SOX6: variants seen among roughly 807,000 people sequenced by gnomAD.
The protein encoded by SOX6 is SRY-box transcription factor 6, also known as transcription factor SOX-6.
Under a neutral mutation model 97.8 loss-of-function variants are expected in SOX6, and 11 were observed. The ratio of observed to expected loss-of-function variants is 0.11; its 90% CI spans 0.07 to 0.19. The LOEUF (loss-of-function observed/expected upper bound fraction) is 0.19, where lower values mean the gene tolerates loss of function less well. SOX6 is among the 10% of genes least tolerant of loss of function. The probability of loss-of-function intolerance (pLI) is 1.00; values close to 1 mark genes in which losing one functional copy is unlikely to be tolerated. For synonymous variants in SOX6, 360 were observed against 371.4 expected (o/e 0.97, Z 0.35); for missense variants, 810 against 1,039.5 (o/e 0.78, Z 3.04).
chr11:16,613,055 A>C lies in SOX6; in HGVS notation n.430-795T>G, dbSNP rs1252632620. On this transcript the variant is annotated intron_variant and non_coding_transcript_variant, in intron 3 of 5. Coordinates refer to the SOX6 transcript ENST00000524520. The surrounding 1 kb of genome is among the most constrained non-coding windows in gnomAD (Gnocchi z 4.6). The stretch of plus-strand genomic sequence containing the variant: ...GGGTTGAGTTTAGGGAATGTCTGGA[A>C]AGAAAAAAAGGGAGGAAAAAAGGAG... 2 of 152,672 alleles carry C rather than the reference A, an allele frequency of 1.3e-5. No individual in the cohort carries two copies. 9.5% of individuals were successfully genotyped at this position (152,672 alleles called of 1,614,324 possible). A position where few individuals can be genotyped will look rare whatever the true frequency, so the allele number is the denominator to read the frequency against.
intron 4 of SOX6, among the ~76,000 whole-genome samples, chr11:16,509,144 GT>G (rs1860836937): frequency 6.6e-6 from 1 of 151,552 alleles, no homozygotes; most frequent in Non-Finnish European, 1.5e-5. Flanking sequence ...CTTTAGAAAT[GT>G]TTACCATATA....
chr11:15,972,717 G>A lies in SOX6; in HGVS notation c.*92C>T. On this transcript the variant is annotated 3_prime_UTR_variant, in exon 16 of 16. Transcript: ENST00000683767. ...AAGACCATTCTGCTGATGTAATTGTGGAGCCACAAATGCATGCGGGCTCTT... is the reference window on the plus strand; with the variant it reads ...AAGACCATTCTGCTGATGTAATTGTAGAGCCACAAATGCATGCGGGCTCTT... 7.5e-7 allele frequency: 1 copy of A among 1,332,390 alleles called. No homozygotes were observed. The highest frequency in any genetic ancestry group is 1.1e-6 in the Non-Finnish European group (1 of 929,010). 82.5% of individuals were successfully genotyped at this position (1,332,390 alleles called of 1,614,324 possible).
chr11:16,386,821 T>C (rs568691488), intron 1 of SOX6, among the ~76,000 whole-genome samples: 13 of 152,300 alleles, frequency 8.5e-5, no homozygotes, highest in Non-Finnish European at 1.2e-4. Context: ...ATTTATTTAA[T>C]GCCTTCCTCT....
intron 1 of SOX6, among the ~76,000 whole-genome samples, chr11:16,446,623 C>A (rs10766323): frequency 6.6e-6 from 1 of 151,678 alleles, no homozygotes; most frequent in Non-Finnish European, 1.5e-5. Flanking sequence ...CAAAACCAGG[C>A]GTGATGGTCA....
chr11:16,257,942 T>G (rs554565151), intron 3 of SOX6, among the ~76,000 whole-genome samples: 5 of 151,912 alleles, frequency 3.3e-5, no homozygotes, highest in African/African-American at 1.2e-4. Flanking sequence ...AGTAAACATA[T>G]GAAAAGATGT....
At chr11:16,072,710 A>G (rs1848254029) in intron 9 of SOX6, among the ~76,000 whole-genome samples, 1 of 152,226 alleles carries the variant, frequency 6.6e-6, no homozygotes, top group South Asian at 2.1e-4. Context: ...AGGAGCAGGT[A>G]ACCTCAAAGG....
intron 1 of SOX6, among the ~76,000 whole-genome samples, chr11:16,430,899 C>CT (rs1413149540): frequency 1.3e-5 from 2 of 152,134 alleles, no homozygotes; most frequent in Non-Finnish European, 2.9e-5. Flanking sequence ...AACCCATCTT[C>CT]TTCAGGTTTC....
chr11:16,426,079 A>G (rs1859122350), intron 1 of SOX6, among the ~76,000 whole-genome samples: 1 of 151,424 alleles, frequency 6.6e-6, no homozygotes, highest in Non-Finnish European at 1.5e-5. Context: ...ACATGGTGAA[A>G]CCCCGTCTCT....
rs532240014 is a variant in SOX6 at position 16,528,043 on chromosome 11, G to C, written n.610-51655C>G. On this transcript the variant is annotated intron_variant and non_coding_transcript_variant, in intron 4 of 5. Transcript: ENST00000524520. ...CTTCTGTGTCTCTGCTCAAGGCTGT[G>C]AGTCAGATTCAAGCCCGCTCCATTA... Among the ~76,000 whole-genome samples the C allele has an allele frequency of 3.9e-5, 6 of 152,224 alleles. No homozygotes were observed. The East Asian group carries it at 1.2e-3, about 29-fold the overall frequency.
intron 13 of SOX6, among the ~76,000 whole-genome samples, chr11:16,005,435 T>G (rs985265485): frequency 6.6e-6 from 1 of 151,966 alleles, no homozygotes; most frequent in Non-Finnish European, 1.5e-5. Flanking sequence ...AACCTACAGA[T>G]AGGCTTTTTT....
chr11:16,061,798 A>G (rs1047809235), intron 9 of SOX6, among the ~76,000 whole-genome samples: 4 of 151,892 alleles, frequency 2.6e-5, no homozygotes, highest in African/African-American at 9.7e-5. Context: ...TGGCAAAAGG[A>G]CATTCTTTTC....
chr11:16,574,216 C>T (rs12800576), intron 4 of SOX6, among the ~76,000 whole-genome samples: 22,706 of 151,910 alleles, frequency 0.15, 1,770 homozygotes, highest in Non-Finnish European at 0.16. Flanking sequence ...GTGGCAGGAC[C>T]TATTCTACAA....
chr11:16,513,261 A>T (rs1043552384), intron 4 of SOX6, among the ~76,000 whole-genome samples: 6 of 152,354 alleles, frequency 3.9e-5, no homozygotes, highest in Non-Finnish European at 8.8e-5. Context: ...GAGATAATTT[A>T]AAAAGAAATA....
chr11:16,465,480 C>G (rs1199785492), intron 1 of SOX6, among the ~76,000 whole-genome samples: 1 of 152,026 alleles, frequency 6.6e-6, no homozygotes, highest in African/African-American at 2.4e-5. Context: ...ATCTGGATTT[C>G]TTCATTTTGT....
intron 6 of SOX6, among the ~76,000 whole-genome samples, chr11:16,138,457 TC>T (rs1346017023): frequency 2.0e-5 from 3 of 152,214 alleles, no homozygotes; most frequent in African/African-American, 7.2e-5. Context: ...CATCATGCCT[TC>T]TTAGTATCCT....
At chr11:16,484,965 T>A (rs935564720) in intron 4 of SOX6, among the ~76,000 whole-genome samples, 11 of 152,198 alleles carry the variant, frequency 7.2e-5, no homozygotes, top group Non-Finnish European at 1.0e-4. Context: ...TACATTTTTT[T>A]AAAATGTATA....
intron 1 of SOX6, among the ~76,000 whole-genome samples, chr11:16,450,694 G>A (rs1859700437): frequency 6.6e-6 from 1 of 152,122 alleles, no homozygotes; most frequent in Non-Finnish European, 1.5e-5. Context: ...GCAGAGTTTT[G>A]AACATCTATC....
chr11:16,717,234 T>C (rs1352947893), intron 2 of SOX6, among the ~76,000 whole-genome samples: 1 of 152,176 alleles, frequency 6.6e-6, no homozygotes, highest in Admixed American at 6.5e-5. Flanking sequence ...GCGTTACAGA[T>C]GGAAGAAACT....
chr11:16,046,959 C>T (rs1855852762), intron 11 of SOX6, among the ~76,000 whole-genome samples: 1 of 152,158 alleles, frequency 6.6e-6, no homozygotes, highest in African/African-American at 2.4e-5. Flanking sequence ...TCACAGACTA[C>T]AGTTCCTAGA....
Sources: allele counts gnomAD v4.1 joint callset (sites outside exome capture counted in the v4.1 genomes callset), GRCh38; gene constraint gnomAD v4.1.1; non-coding constraint Gnocchi (gnomAD v3.1); transcripts MANE v1.5; gene names NCBI Gene and HGNC (gene_info 2026-07-23, HGNC 2026-07-21).